Variants in SGCZ observed in about 807,000 individuals in gnomAD.
SGCZ encodes zeta-sarcoglycan.
A neutral mutation model predicts 41.3 loss-of-function variants in SGCZ; 40 were observed. The observed-to-expected ratio is 0.97, with a 90% CI of 0.75 to 1.26. The LOEUF (loss-of-function observed/expected upper bound fraction) is 1.26. Among genes scored for constraint, SGCZ ranks in the 50% most tolerant of loss-of-function variants. The probability of loss-of-function intolerance (pLI) is 0.00; values close to 1 mark genes in which losing one functional copy is unlikely to be tolerated. For missense variants in SGCZ, 552 were observed against 369.8 expected (o/e 1.49, Z -4.04); for synonymous variants, 206 against 137.5 (o/e 1.50, Z -3.49).
chr8:14,276,815 G>T (rs974401082), intron 3 of SGCZ, among the ~76,000 whole-genome samples: 2 of 152,120 alleles, frequency 1.3e-5, no homozygotes, highest in Non-Finnish European at 2.9e-5. Context: ...TCCCACTTCA[G>T]CTATTACAGG....
intron 2 of SGCZ, among the ~76,000 whole-genome samples, chr8:14,440,454 C>G (rs114870606): frequency 1.8e-3 from 269 of 152,150 alleles, no homozygotes; most frequent in African/African-American, 6.3e-3. Context: ...TTGGCCAGAA[C>G]ACAATGAAGT....
intron 1 of SGCZ, among the ~76,000 whole-genome samples, chr8:14,607,068 G>A (rs571646156): frequency 2.0e-5 from 3 of 152,168 alleles, no homozygotes; most frequent in African/African-American, 7.2e-5. Context: ...TTTAAACAAT[G>A]GCTCATCTAT....
chr8:14,398,309 C>T (rs533124769), intron 2 of SGCZ, among the ~76,000 whole-genome samples: 384 of 152,232 alleles, frequency 2.5e-3, no homozygotes, highest in Non-Finnish European at 4.0e-3. Flanking sequence ...AGCAACATTG[C>T]TTGAGTTACA....
At chr8:14,546,894 T>C (rs1250537913) in intron 2 of SGCZ, among the ~76,000 whole-genome samples, 1 of 152,178 alleles carries the variant, frequency 6.6e-6, no homozygotes, top group Non-Finnish European at 1.5e-5. Context: ...TTCATCAGTG[T>C]GACCTTGGGA....
intron 3 of SGCZ, among the ~76,000 whole-genome samples, chr8:14,267,544 C>G (rs879636853): frequency 6.6e-6 from 1 of 152,044 alleles, no homozygotes; most frequent in Non-Finnish European, 1.5e-5. Context: ...ATTCTGGTAT[C>G]GCCTAGTCTC....
intron 1 of SGCZ, among the ~76,000 whole-genome samples, chr8:14,919,086 T>G (rs2130788220): frequency 6.6e-6 from 1 of 152,312 alleles, no homozygotes; most frequent in African/African-American, 2.4e-5. Context: ...TTCAATTAGT[T>G]AATAAAATTA....
chr8:14,530,821 A>T (rs905801144), intron 2 of SGCZ, among the ~76,000 whole-genome samples: 1 of 152,086 alleles, frequency 6.6e-6, no homozygotes, highest in Non-Finnish European at 1.5e-5. Flanking sequence ...CATCTCTTTT[A>T]AAAAAGAATG....
chr8:14,908,743 C>CA (rs58817872), intron 1 of SGCZ, among the ~76,000 whole-genome samples: 22,186 of 91,054 alleles, frequency 0.24, 3,292 homozygotes, highest in East Asian at 0.38. Context: ...GTCACCGTTG[C>CA]AAAAAAAAAA....
chr8:14,886,196 T>A lies in SGCZ; in HGVS notation c.40-331270A>T, dbSNP rs137948112. Among the ~76,000 whole-genome samples the A allele has an allele frequency of 9.3e-3, 1,407 of 151,672 alleles. 16 individuals are homozygous for A. Among genetic ancestry groups the A allele is most frequent in the African/African-American group, 0.032 (1,321 of 41,386 alleles). ...ATGATTGTTTATAACTTTTCACAAC[T>A]GTTCTTAGCATACTTCATTTCAACA... On this transcript the variant is annotated intron_variant, in intron 1 of 7. Coordinates refer to ENST00000382080, the MANE Select transcript of SGCZ (RefSeq NM_139167.4).
chr8:15,085,233 T>A (rs1805905867), intron 1 of SGCZ, among the ~76,000 whole-genome samples: 1 of 152,166 alleles, frequency 6.6e-6, no homozygotes, highest in Non-Finnish European at 1.5e-5. Context: ...AATTTTAACA[T>A]CCTTAACTTC....
intron 6 of SGCZ, among the ~76,000 whole-genome samples, chr8:14,106,000 T>C (rs1802191544): frequency 6.6e-6 from 1 of 152,092 alleles, no homozygotes; most frequent in Non-Finnish European, 1.5e-5. Context: ...GCTGTGTCTA[T>C]ATTAAAACAC....
intron 1 of SGCZ, among the ~76,000 whole-genome samples, chr8:14,913,465 T>C (rs1017655899): frequency 3.3e-5 from 5 of 152,026 alleles, no homozygotes; most frequent in Admixed American, 2.0e-4. Context: ...GTACCAAATA[T>C]AGCAATAATT....
intron 2 of SGCZ, among the ~76,000 whole-genome samples, chr8:14,427,030 A>AAATGAATG (rs3068589): frequency 1.7e-3 from 250 of 145,394 alleles, no homozygotes; most frequent in South Asian, 6.4e-3. Flanking sequence ...CAGTAACATT[A>AAATGAATG]AATGAATGAA....
At chr8:14,376,432 G>T (rs1359785235) in intron 2 of SGCZ, among the ~76,000 whole-genome samples, 1 of 152,132 alleles carries the variant, frequency 6.6e-6, no homozygotes, top group Non-Finnish European at 1.5e-5. Context: ...GATTTGAAAG[G>T]TTAGATGACA....
chr8:14,692,128 T>C (rs978524567), intron 1 of SGCZ, among the ~76,000 whole-genome samples: 2 of 151,986 alleles, frequency 1.3e-5, no homozygotes, highest in African/African-American at 4.8e-5. Context: ...AAAAATAAAA[T>C]CCCGGTTGCA....
chr8:14,124,703 A>G lies in SGCZ; in HGVS notation c.548-16468T>C, dbSNP rs181616931. ...CAGGAGGAATTGTGATTTAGTTAAG[A>G]AAGTTACATATTTAATATTCAAATA... On this transcript the variant is annotated intron_variant, in intron 5 of 7. Coordinates refer to ENST00000382080, the MANE Select transcript of SGCZ (RefSeq NM_139167.4). Among the ~76,000 whole-genome samples, 250 of 152,294 alleles carry G rather than the reference A, an allele frequency of 1.6e-3. 4 individuals carry two copies. Among genetic ancestry groups the G allele is most frequent in the Middle Eastern group, 0.014 (4 of 294 alleles).
intron 2 of SGCZ, among the ~76,000 whole-genome samples, chr8:14,441,541 C>G (rs1172234031): frequency 1.3e-5 from 2 of 152,122 alleles, no homozygotes; most frequent in East Asian, 3.9e-4. Context: ...CGTCACTGCA[C>G]TCCAGCCTGG....
chr8:15,022,787 A>AG (rs1441261203), intron 1 of SGCZ, among the ~76,000 whole-genome samples: 1 of 152,262 alleles, frequency 6.6e-6, no homozygotes, highest in African/African-American at 2.4e-5. Flanking sequence ...TTTACCAATT[A>AG]CAAAATAATT....
At position 14,197,864 on chromosome 8, in the gene SGCZ, C is replaced by T. The variant is rs940949638; in HGVS notation, c.425-33162G>A. ...ACACAGAGTCTGGAAAAAACTTAAA[C>T]AATTTCTATTCTCAGATGACCTGAT... On this transcript the variant is annotated intron_variant, in intron 4 of 7. Transcript: ENST00000382080. 4.6e-5 allele frequency among the ~76,000 whole-genome samples: 7 copies of T among 151,896 alleles called. No homozygotes were observed. The East Asian group carries it at 1.2e-3, about 25-fold the overall frequency.
Sources: gnomAD v4.1 joint callset for allele counts (sites outside exome capture counted in the v4.1 genomes callset) on GRCh38, gnomAD v4.1.1 for gene constraint, MANE v1.5 for transcripts, NCBI Gene and HGNC (gene_info 2026-07-23, HGNC 2026-07-21) for gene names.